Variants in MYRIP observed in about 807,000 individuals in gnomAD.
The protein encoded by MYRIP is myosin VIIA and Rab interacting protein.
In MYRIP, 49 loss-of-function variants were observed where a neutral mutation model predicts 98.0. The observed-to-expected ratio is 0.50, with a 90% CI of 0.40 to 0.63. The LOEUF (loss-of-function observed/expected upper bound fraction) is 0.63. Among genes scored for constraint, MYRIP ranks in the 30% least tolerant of loss-of-function variants. The probability of loss-of-function intolerance (pLI) is 0.00; values close to 1 mark genes in which losing one functional copy is unlikely to be tolerated. For synonymous variants in MYRIP, 404 were observed against 409.5 expected, an observed-to-expected ratio of 0.99 and a Z score of 0.16; for missense variants, 1,004 against 1,058.2, an observed-to-expected ratio of 0.95 and a Z score of 0.71.
intron 3 of MYRIP, among the ~76,000 whole-genome samples, chr3:40,121,835 G>A (rs1949412962): frequency 6.6e-6 from 1 of 152,074 alleles, no homozygotes; most frequent in African/African-American, 2.4e-5. Context: ...GTAAAAAAGG[G>A]GTTTCTGATA....
At chr3:39,975,917 T>G (rs1433175646) in intron 2 of MYRIP, among the ~76,000 whole-genome samples, 1 of 152,184 alleles carries the variant, frequency 6.6e-6, no homozygotes, top group Non-Finnish European at 1.5e-5. Flanking sequence ...ATTAAAGACT[T>G]AAATGTTAGA....
chr3:39,981,599 G>T (rs1440217450), intron 2 of MYRIP, among the ~76,000 whole-genome samples: 3 of 152,114 alleles, frequency 2.0e-5, no homozygotes, highest in African/African-American at 7.2e-5. Context: ...TTTTCATGTT[G>T]TTGGGGTCTT....
chr3:40,047,502 C>T (rs1189851529), intron 3 of MYRIP, among the ~76,000 whole-genome samples: 1 of 152,206 alleles, frequency 6.6e-6, no homozygotes, highest in Admixed American at 6.5e-5. Context: ...AAACAGAACA[C>T]ACCCACACTT....
chr3:39,854,814 C>G (rs1284584361), intron 1 of MYRIP, among the ~76,000 whole-genome samples: 9 of 152,182 alleles, frequency 5.9e-5, no homozygotes, highest in Admixed American at 5.9e-4. Context: ...TGTTCAGATT[C>G]CTTTGTTCCA....
chr3:40,003,575 T>G (rs1575456597), intron 2 of MYRIP, among the ~76,000 whole-genome samples: 1 of 152,018 alleles, frequency 6.6e-6, no homozygotes, highest in African/African-American at 2.4e-5. Flanking sequence ...TGTTGTAGGG[T>G]GAGAAGAAAA....
chr3:40,127,090 A>G (rs534468788), intron 3 of MYRIP, among the ~76,000 whole-genome samples: 2 of 152,350 alleles, frequency 1.3e-5, no homozygotes, highest in African/African-American at 4.8e-5. Flanking sequence ...ATGGTGGTCC[A>G]TATAGAATAA....
Position 40,151,073 on chromosome 3 carries a change from T to A in MYRIP, c.358T>A (p.Trp120Arg). 1 of 1,600,402 alleles carries A rather than the reference T, an allele frequency of 6.2e-7. No individual in the cohort carries two copies. The highest frequency in any genetic ancestry group is 8.5e-7 in the Non-Finnish European group (1 of 1,172,056). ...GCTTCTGAGGGCCCAATCTCTGGAA[T>A]GGTTCTACAATAATGTGAAGAGCCG... is the stretch of plus-strand genomic sequence containing the variant. ...ARLLRAQSLE[W>R]FYNNVKSRFK... Residue 120 changes from tryptophan to arginine, a missense_variant, in exon 4 of 17, where the codon TGG (tryptophan) becomes AGG (arginine). Coordinates refer to ENST00000302541, the MANE Select transcript of MYRIP (RefSeq NM_015460.4).
intron 3 of MYRIP, among the ~76,000 whole-genome samples, chr3:40,050,115 C>G (rs1295984048): frequency 6.6e-6 from 1 of 152,106 alleles, no homozygotes; most frequent in East Asian, 1.9e-4. Flanking sequence ...GAAGATCTAG[C>G]TAAGATCATT....
intron 11 of MYRIP, among the ~76,000 whole-genome samples, chr3:40,228,197 TTCACAGAGGGGC>T (rs1172446638): frequency 6.6e-6 from 1 of 152,184 alleles, no homozygotes; most frequent in Non-Finnish European, 1.5e-5. Flanking sequence ...CTGTCCCCTT[TTCACAGAGGGGC>T]TCCAGATCAG....
chr3:40,158,076 A>C (rs1300069264), intron 4 of MYRIP, among the ~76,000 whole-genome samples: 5 of 151,552 alleles, frequency 3.3e-5, no homozygotes, highest in African/African-American at 1.2e-4. Flanking sequence ...TAGTTCTTTT[A>C]ATTGTGATGT....
intron 3 of MYRIP, among the ~76,000 whole-genome samples, chr3:40,116,883 TTTCTC>T (rs1949293548): frequency 6.6e-6 from 1 of 152,234 alleles, no homozygotes; most frequent in Non-Finnish European, 1.5e-5. Flanking sequence ...ATGAACCTCT[TTTCTC>T]ATGAGTCATT....
At chr3:39,954,340 A>G (rs1208446211) in intron 2 of MYRIP, among the ~76,000 whole-genome samples, 1 of 152,058 alleles carries the variant, frequency 6.6e-6, no homozygotes, top group Non-Finnish European at 1.5e-5. Flanking sequence ...TCAGGCAGCA[A>G]CATTTGCCAT....
At chr3:39,820,698 T>C (rs1380632425) in intron 1 of MYRIP, among the ~76,000 whole-genome samples, 1 of 152,218 alleles carries the variant, frequency 6.6e-6, no homozygotes, top group Non-Finnish European at 1.5e-5. Flanking sequence ...AAATCAGAAA[T>C]GTTGTTTTCA....
chr3:40,038,858 G>A (rs532973378), intron 2 of MYRIP, among the ~76,000 whole-genome samples: 25 of 152,138 alleles, frequency 1.6e-4, no homozygotes, highest in African/African-American at 5.5e-4. Context: ...TACATATGCA[G>A]CCATTTTTTA....
At chr3:39,861,149 A>G (rs925055839) in intron 1 of MYRIP, among the ~76,000 whole-genome samples, 5 of 152,204 alleles carry the variant, frequency 3.3e-5, no homozygotes, top group Admixed American at 6.5e-5. Context: ...CAGGTTCCTA[A>G]CCTCAACAGG....
intron 2 of MYRIP, among the ~76,000 whole-genome samples, chr3:39,970,752 G>T (rs1945560629): frequency 6.6e-6 from 1 of 152,058 alleles, no homozygotes; most frequent in Admixed American, 6.6e-5. Context: ...ATTGTATTAG[G>T]TGGATAATAA....
chr3:39,982,400 A>G (rs751473043), intron 2 of MYRIP, among the ~76,000 whole-genome samples: 13 of 152,156 alleles, frequency 8.5e-5, no homozygotes, highest in Non-Finnish European at 1.5e-4. Flanking sequence ...GTTGCTTGAC[A>G]TTTTCGTTAA....
chr3:40,166,836 T>C lies in MYRIP; in HGVS notation c.551-10T>C, dbSNP rs1472897983. 8 of 1,579,594 alleles carry C rather than the reference T, an allele frequency of 5.1e-6. No individual in the cohort carries two copies. In the Admixed American group the frequency reaches 1.3e-4, roughly 26 times the overall value. ...TTTTAGAAATGCTCTTTGTTCTGTT[T>C]CCTGTCTAGGACATAGTGTGATGGA... On this transcript the variant is annotated splice_polypyrimidine_tract_variant and intron_variant, in intron 5 of 16. Coordinates refer to ENST00000302541, the MANE Select transcript of MYRIP (RefSeq NM_015460.4).
At chr3:39,827,349 G>T (rs930394799) in intron 1 of MYRIP, among the ~76,000 whole-genome samples, 3 of 152,162 alleles carry the variant, frequency 2.0e-5, no homozygotes, top group African/African-American at 7.2e-5. Context: ...TTAGGCTCAA[G>T]CGATCCTCCC....
Sources: allele counts gnomAD v4.1 joint callset (sites outside exome capture counted in the v4.1 genomes callset), GRCh38; gene constraint gnomAD v4.1.1; transcripts MANE v1.5; gene names NCBI Gene and HGNC (gene_info 2026-07-23, HGNC 2026-07-21).